The following MRPL30 variants were observed in gnomAD, a reference collection of about 807,000 sequenced individuals.
MRPL30 encodes the protein mitochondrial ribosomal protein L30.
A neutral mutation model predicts 17.2 loss-of-function variants in MRPL30; 10 were observed. The ratio of observed to expected loss-of-function variants is 0.58; its 90% CI spans 0.36 to 0.99. The LOEUF (loss-of-function observed/expected upper bound fraction) is 0.99, where lower values mean the gene tolerates loss of function less well. MRPL30 is among the 50% of genes least tolerant of loss of function. The pLI, the probability that MRPL30 is intolerant of heterozygous loss-of-function variation, is 0.01. For missense variants in MRPL30, 170 were observed against 189.8 expected, an observed-to-expected ratio of 0.90 and a Z score of 0.61; for synonymous variants, 61 against 62.1, an observed-to-expected ratio of 0.98 and a Z score of 0.08.
chr2:99,195,285 T>C (rs2093953283), intron 5 of MRPL30, 96 bp downstream of exon 5: 2 of 1,199,126 alleles, frequency 1.7e-6, no homozygotes, highest in African/African-American at 1.6e-5. Flanking sequence ...AAAAAACTTT[T>C]TAAAAAACTA....
chr2:99,190,888 G>A (rs1435721517), intron 3 of MRPL30, among the ~76,000 whole-genome samples: 1 of 152,126 alleles, frequency 6.6e-6, no homozygotes, highest in African/African-American at 2.4e-5. Context: ...TAACAAACCT[G>A]CACATCCTAT....
At chr2:99,194,215 G>A (rs891087586) in intron 3 of MRPL30, among the ~76,000 whole-genome samples, 46 of 152,104 alleles carry the variant, frequency 3.0e-4, no homozygotes, top group African/African-American at 1.1e-3. Context: ...GGTATATTTT[G>A]TATACTTAGA....
At chr2:99,185,633 T>C in intron 1 of MRPL30, 1 of 288,854 alleles carries the variant, frequency 3.5e-6, no homozygotes, top group Non-Finnish European at 7.1e-6. Flanking sequence ...GCAAAAAAAA[T>C]TCTACTTTTT....
At chr2:99,194,170 T>A (rs189560076) in intron 3 of MRPL30, among the ~76,000 whole-genome samples, 1 of 152,338 alleles carries the variant, frequency 6.6e-6, no homozygotes, top group East Asian at 1.9e-4. Flanking sequence ...AACTTTTCAG[T>A]GTTACACATA....
At chr2:99,182,542 G>A (rs573388543) in intron 1 of MRPL30, among the ~76,000 whole-genome samples, 2 of 152,348 alleles carry the variant, frequency 1.3e-5, no homozygotes, top group African/African-American at 2.4e-5. Context: ...GCGACAGAGC[G>A]AGACTCCGTC....
intron 3 of MRPL30, among the ~76,000 whole-genome samples, chr2:99,189,660 C>G (rs1032251324): frequency 5.9e-5 from 9 of 152,186 alleles, no homozygotes; most frequent in African/African-American, 2.2e-4. Context: ...ATACCTGGAG[C>G]ATAATTGCTG....
chr2:99,187,827 C>CA (rs1045956887), intron 2 of MRPL30, among the ~76,000 whole-genome samples: 137 of 130,682 alleles, frequency 1.0e-3, no homozygotes, highest in East Asian at 1.9e-3. Flanking sequence ...GACTCCGTCT[C>CA]AAAAAAAAAA....
At position 99,197,999 on chromosome 2, in the gene MRPL30, TA is replaced by T. The variant is rs548751042; in HGVS notation, c.*2295del. The stretch of plus-strand genomic sequence containing the variant: ...AGGGGAAAATACCATGGTTAATTTT[TA>T]CTCAAACAGTAAGAAAGTTTGAGTA... On this transcript the variant is annotated 3_prime_UTR_variant, in exon 6 of 6. Transcript: ENST00000338148. Among the ~76,000 whole-genome samples the T allele has an allele frequency of 2.0e-5, 3 of 152,346 alleles. No individual in the cohort carries two copies. In the South Asian group the frequency reaches 6.2e-4, roughly 32 times the overall value.
At chr2:99,181,367 C>G (rs2093920253) in intron 1 of MRPL30, 118 bp downstream of exon 1, 1 of 168,400 alleles carries the variant, frequency 5.9e-6, no homozygotes, top group African/African-American at 2.4e-5. Flanking sequence ...TTACGGCAAC[C>G]TAAATGGGTC....
chr2:99,186,340 T>A, intron 2 of MRPL30, 86 bp downstream of exon 2: 6 of 1,323,060 alleles, frequency 4.5e-6, no homozygotes, highest in Non-Finnish European at 5.3e-6. Context: ...AGTTCTTTTT[T>A]TTATTTTTTT....
intron 1 of MRPL30, among the ~76,000 whole-genome samples, chr2:99,182,117 C>G (rs1339004172): frequency 2.0e-5 from 3 of 152,074 alleles, no homozygotes; most frequent in African/African-American, 7.2e-5. Context: ...TGATTACACA[C>G]GTTCACAGAC....
chr2:99,188,234 A>G lies in MRPL30; in HGVS notation c.109A>G (p.Thr37Ala), dbSNP rs2093937592. The change falls in exon 3 of 6, where the codon ACC becomes GCC. Residue 37 changes from threonine (T) to alanine (A), a missense_variant. By Grantham distance (58) the Thr-to-Ala change is moderately conservative. Transcript: ENST00000338148. ...ICTDWIRHKF[T>A]RSRIPEKVFQ... ...TACAGATTGGATTCGTCACAAATTC[A>G]CCAGATCAAGAATTCCAGAAAAAGT... 3 of 1,608,132 alleles carry G rather than the reference A, an allele frequency of 1.9e-6. No individual in the cohort carries two copies. The highest frequency in any genetic ancestry group is 2.5e-6 in the Non-Finnish European group (3 of 1,178,080).
At chr2:99,194,922 T>C in intron 4 of MRPL30, 25 bp downstream of exon 4, 1 of 1,533,872 alleles carries the variant, frequency 6.5e-7, no homozygotes, top group Non-Finnish European at 8.8e-7. Context: ...TAATCATCTT[T>C]AGTGTTGTTT....
chr2:99,195,643 A>C lies in MRPL30; in HGVS notation c.424A>C (p.Thr142Pro). The C allele has an allele frequency of 6.2e-7, 1 of 1,613,874 alleles. No homozygotes were observed. Among genetic ancestry groups the C allele is most frequent in the Non-Finnish European group, 8.5e-7 (1 of 1,179,954 alleles). Residue 142 changes from threonine to proline, a missense_variant, in exon 6 of 6, where the codon ACT (threonine) becomes CCT (proline). By Grantham distance (38) the Thr-to-Pro change is conservative. Coordinates refer to ENST00000338148, the MANE Select transcript of MRPL30 (RefSeq NM_145212.4). Reference protein sequence around the residue: ...ENMSNTCLKSTGELVVQWHLK... With the variant: ...ENMSNTCLKSPGELVVQWHLK... ...CATGTCTAACACGTGCCTCAAAAGC[A>C]CTGGGGAGTTAGTAGTGCAGTGGCA...
At chr2:99,183,061 A>G (rs2093928243) in intron 1 of MRPL30, among the ~76,000 whole-genome samples, 1 of 152,182 alleles carries the variant, frequency 6.6e-6, no homozygotes, top group Non-Finnish European at 1.5e-5. Context: ...ATTTGACCCA[A>G]AAATTGAAAA....
chr2:99,187,406 T>A (rs1159021912), intron 2 of MRPL30, among the ~76,000 whole-genome samples: 2 of 152,228 alleles, frequency 1.3e-5, no homozygotes, highest in African/African-American at 4.8e-5. Context: ...CATTTTGGAT[T>A]TCTTTTGTAT....
intron 1 of MRPL30, among the ~76,000 whole-genome samples, chr2:99,184,209 AT>A (rs2093930408): frequency 1.3e-5 from 2 of 152,046 alleles, no homozygotes; most frequent in African/African-American, 2.4e-5. Context: ...CCCCATCGTT[AT>A]GTTTTTTCCA....
At position 99,195,788 on chromosome 2, in the gene MRPL30, C is replaced by T. The variant is rs1323749086; in HGVS notation, c.*83C>T. 1 of 1,594,280 alleles carries T rather than the reference C, an allele frequency of 6.3e-7. No homozygotes were observed. ...AAGTGTTTTCATTAAAATATGTTTT[C>T]AAAACCATTTTCAGGCCGGGCACGG... is the stretch of plus-strand genomic sequence containing the variant. On this transcript the variant is annotated 3_prime_UTR_variant, in exon 6 of 6. Transcript: ENST00000338148.
chr2:99,186,912 C>T (rs904313199), intron 2 of MRPL30: 1 of 152,162 alleles, frequency 6.6e-6, no homozygotes. Flanking sequence ...CATGTGTCTC[C>T]TTCTAGGCTT....
Sources: gnomAD v4.1 joint callset for allele counts (sites outside exome capture counted in the v4.1 genomes callset) on GRCh38, gnomAD v4.1.1 for gene constraint, MANE v1.5 for transcripts, NCBI Gene and HGNC (gene_info 2026-07-23, HGNC 2026-07-21) for gene names.